The following SLC1A5 variants were observed in gnomAD, a reference collection of about 807,000 sequenced individuals.
SLC1A5 encodes neutral amino acid transporter B(0).
In SLC1A5, 25 loss-of-function variants were observed where a neutral mutation model predicts 34.9. That is an observed-to-expected ratio of 0.72 (90% CI 0.52 to 1.00). The LOEUF (loss-of-function observed/expected upper bound fraction) is 1.00. SLC1A5 is among the 50% of genes least tolerant of loss of function. The pLI, the probability that SLC1A5 is intolerant of heterozygous loss-of-function variation, is 0.00. For missense variants in SLC1A5, 637 were observed against 740.0 expected, an observed-to-expected ratio of 0.86 and a Z score of 1.61; for synonymous variants, 351 against 341.2, an observed-to-expected ratio of 1.03 and a Z score of -0.32.
In SLC1A5 at chr19:46,775,476, C is replaced by T. The variant is rs377465288; in HGVS notation, c.*34G>A. 7.6e-6 allele frequency: 12 copies of T among 1,574,700 alleles called. No individual in the cohort carries two copies. Among genetic ancestry groups the T allele is most frequent in the African/African-American group, 1.4e-5 (1 of 74,032 alleles). On this transcript the variant is annotated 3_prime_UTR_variant, in exon 8 of 8. Transcript: ENST00000542575. ...CTCATAATCCAGTGTCCAAAGAGCA[C>T]CCCCAGCAGGGCAGGGAAGGTCCCT... is the stretch of plus-strand genomic sequence containing the variant.
intron 1 of SLC1A5, among the ~76,000 whole-genome samples, chr19:46,786,153 C>T (rs1048095054): frequency 1.3e-5 from 2 of 151,520 alleles, no homozygotes; most frequent in South Asian, 2.1e-4. Flanking sequence ...TAGATGTTGG[C>T]GTGGCTGGTG....
At position 46,787,687 on chromosome 19, in the gene SLC1A5, G is replaced by C; in HGVS notation, c.279C>G (p.Gly93=). The change falls in exon 1 of 8, where the codon GGC becomes GGG. Residue 93 remains glycine (G), a synonymous_variant. Transcript: ENST00000542575. The surrounding 1 kb of genome is among the most constrained non-coding windows in gnomAD (Gnocchi z 5.2). ...TCCGCAGCAGACGCAGCAGCAGCTC[G>C]CCCGGGAAGACGAAGGCGCTCAAGC... The part of the protein sequence containing the change: ...PERLSAFVFP[G]ELLLRLLRMI... The C allele has an allele frequency of 1.3e-6, 2 of 1,590,904 alleles. No homozygotes were observed. Among genetic ancestry groups the C allele is most frequent in the African/African-American group, 2.7e-5 (2 of 74,798 alleles).
In SLC1A5 at chr19:46,782,363, CCTCCTCTCCCACCACCT is replaced by C; in HGVS notation, c.824+3_824+19del. Reference sequence around the variant, plus strand: ...ACCCTCCAACCCCACCCACCCCCAGCCTCCTCTCCCACCACCTACCACATGATCCAGGAGACCAGAAC... The same window carrying C: ...ACCCTCCAACCCCACCCACCCCCAGCACCACATGATCCAGGAGACCAGAAC... On this transcript the variant is annotated splice_donor_5th_base_variant and intron_variant, in intron 4 of 7. Coordinates refer to ENST00000542575, the MANE Select transcript of SLC1A5 (RefSeq NM_005628.3). The C allele has an allele frequency of 6.8e-7, 1 of 1,461,622 alleles. No individual in the cohort carries two copies. The highest frequency in any genetic ancestry group is 9.5e-7 in the Non-Finnish European group (1 of 1,057,566). 90.5% of individuals were successfully genotyped at this position (1,461,622 alleles called of 1,614,324 possible).
chr19:46,787,372 C>A lies in SLC1A5; in HGVS notation c.566+28G>T. On this transcript the variant is annotated intron_variant, in intron 1 of 7. Transcript: ENST00000542575. The surrounding 1 kb of genome is among the most constrained non-coding windows in gnomAD (Gnocchi z 5.2). ...ACTCCCGCCATCCGTAACACTCTTC[C>A]CCACCTCCCGGGGGAGCGGGAGCTG... 1 of 1,568,802 alleles carries A rather than the reference C, an allele frequency of 6.4e-7. No individual in the cohort carries two copies. Among genetic ancestry groups the A allele is most frequent in the African/African-American group, 1.4e-5 (1 of 73,808 alleles).
At position 46,778,768 on chromosome 19, in the gene SLC1A5, G is replaced by A. The variant is rs760237382; in HGVS notation, c.965C>T (p.Pro322Leu). 2.5e-6 allele frequency: 4 copies of A among 1,613,874 alleles called. No homozygotes were observed. The East Asian group carries it at 6.7e-5, about 27-fold the overall frequency. The change falls in exon 5 of 8, where the codon CCC becomes CTC. Residue 322 changes from proline to leucine, a missense_variant. Coordinates refer to ENST00000542575, the MANE Select transcript of SLC1A5 (RefSeq NM_005628.3). Reference sequence around the variant, plus strand: ...GCGGGTGAAGAGGAAGTAGATGAGGGGCAGTACCAGGAGCCCATGGATGGC... The same window carrying A: ...GCGGGTGAAGAGGAAGTAGATGAGGAGCAGTACCAGGAGCCCATGGATGGC... ...GHAIHGLLVL[P>L]LIYFLFTRKN...
At chr19:46,785,806 G>A (rs1252121532) in intron 1 of SLC1A5, among the ~76,000 whole-genome samples, 3 of 152,206 alleles carry the variant, frequency 2.0e-5, no homozygotes, top group Non-Finnish European at 4.4e-5. Flanking sequence ...TTGGCCGGGT[G>A]CGGTGGCTCA....
chr19:46,787,212 A>G lies in SLC1A5; in HGVS notation c.566+188T>C, dbSNP rs1355244122. 2 of 1,416,352 alleles carry G rather than the reference A, an allele frequency of 1.4e-6. No individual in the cohort carries two copies. Among genetic ancestry groups the G allele is most frequent in the African/African-American group, 3.0e-5 (2 of 66,360 alleles). 87.7% of individuals were successfully genotyped at this position (1,416,352 alleles called of 1,614,324 possible). A position where few individuals can be genotyped will look rare whatever the true frequency, so the allele number is the denominator to read the frequency against. ...TGTACCCAGGCCCCCAGATTTAGAAACCCCTTCCCCAGGAGACTAGACTCA... is the reference window on the plus strand; with the variant it reads ...TGTACCCAGGCCCCCAGATTTAGAAGCCCCTTCCCCAGGAGACTAGACTCA... On this transcript the variant is annotated intron_variant, in intron 1 of 7. Coordinates refer to ENST00000542575, the MANE Select transcript of SLC1A5 (RefSeq NM_005628.3). The surrounding 1 kb of genome is among the most constrained non-coding windows in gnomAD (Gnocchi z 5.2).
At chr19:46,786,369 T>C (rs1309622614) in intron 1 of SLC1A5, among the ~76,000 whole-genome samples, 1 of 152,178 alleles carries the variant, frequency 6.6e-6, no homozygotes, top group Non-Finnish European at 1.5e-5. Flanking sequence ...GGGAGGCCTG[T>C]GCTCATAAAC....
At chr19:46,777,172 G>A (rs2055097822) in intron 6 of SLC1A5, 39 bp downstream of exon 6, 1 of 1,601,922 alleles carries the variant, frequency 6.2e-7, no homozygotes, top group Non-Finnish European at 8.5e-7. Flanking sequence ...GGGGTCAACA[G>A]GGGTCCGGGG....
chr19:46,778,954 C>T lies in SLC1A5; in HGVS notation c.825-46G>A, dbSNP rs746157066. 2.8e-6 allele frequency: 4 copies of T among 1,436,830 alleles called. No individual in the cohort carries two copies. In the Admixed American group the frequency reaches 8.7e-5, roughly 31 times the overall value. The allele number at this position is 1,436,830 out of a possible 1,614,324, so 89.0% of individuals were successfully genotyped here. A position where few individuals can be genotyped will look rare whatever the true frequency, so the allele number is the denominator to read the frequency against. ...CAGCTTGTTGCCTCTTCCACGGGCC[C>T]AGTGGCCAGGCGTGAGGCTCAGCAC... On this transcript the variant is annotated intron_variant, in intron 4 of 7. Coordinates refer to ENST00000542575, the MANE Select transcript of SLC1A5 (RefSeq NM_005628.3).
Position 46,781,876 on chromosome 19 carries a change from A to G in SLC1A5, c.824+507T>C, listed in dbSNP as rs1276698271. On this transcript the variant is annotated intron_variant, in intron 4 of 7. Transcript: ENST00000542575. The stretch of plus-strand genomic sequence containing the variant: ...CACGCAATAAGCCAGGCACTGTCCT[A>G]AGACCTTCCGTGTACCGTATTCACT... Among the ~76,000 whole-genome samples, 3 of 152,276 alleles carry G rather than the reference A, an allele frequency of 2.0e-5. No individual in the cohort carries two copies. In the South Asian group the frequency reaches 6.2e-4, roughly 32 times the overall value.
At chr19:46,778,599 G>T in intron 5 of SLC1A5, 76 bp downstream of exon 5, 2 of 1,057,232 alleles carry the variant, frequency 1.9e-6, no homozygotes, top group Non-Finnish European at 2.8e-6. Flanking sequence ...ACAATGTCCC[G>T]GGCAGAGAAA....
intron 3 of SLC1A5, 149 bp from the exon 4 acceptor site, chr19:46,782,698 G>A (rs2055156882): frequency 9.2e-6 from 8 of 871,254 alleles, no homozygotes; most frequent in Non-Finnish European, 1.4e-5. Flanking sequence ...AGGTCCAGGG[G>A]AAATATATTA....
At chr19:46,781,410 C>G (rs956739121) in intron 4 of SLC1A5, among the ~76,000 whole-genome samples, 2 of 152,078 alleles carry the variant, frequency 1.3e-5, no homozygotes. Context: ...ACCAGCCTGA[C>G]CAACATGGAG....
In SLC1A5 at chr19:46,784,594, C is replaced by T. The variant is rs1302131591; in HGVS notation, c.567-35G>A. The T allele has an allele frequency of 6.2e-6, 10 of 1,613,808 alleles. No homozygotes were observed. The Admixed American group carries it at 1.7e-4, about 27-fold the overall frequency. On this transcript the variant is annotated intron_variant, in intron 1 of 7. Transcript: ENST00000542575. Reference sequence around the variant, plus strand: ...CAGACACACAGAGGGTTATTAGATACCATAGTGGGAGGGCAGCATTGTCTG... The same window carrying T: ...CAGACACACAGAGGGTTATTAGATATCATAGTGGGAGGGCAGCATTGTCTG...
chr19:46,778,058 G>A (rs1274109774), intron 5 of SLC1A5, among the ~76,000 whole-genome samples: 1 of 152,106 alleles, frequency 6.6e-6, no homozygotes, highest in African/African-American at 2.4e-5. Flanking sequence ...GTCTTGGGAG[G>A]GGACAGGGCC....
At position 46,784,127 on chromosome 19, in the gene SLC1A5, T is replaced by C; in HGVS notation, c.627A>G (p.Glu209=). 1 of 1,613,452 alleles carries C rather than the reference T, an allele frequency of 6.2e-7. No homozygotes were observed. Among genetic ancestry groups the C allele is most frequent in the Non-Finnish European group, 8.5e-7 (1 of 1,179,474 alleles). Residue 209 remains glutamate, a synonymous_variant, in exon 3 of 8, where the codon GAA becomes GAG. Coordinates refer to ENST00000542575, the MANE Select transcript of SLC1A5 (RefSeq NM_005628.3). ...AAFRSYSTTY[E]ERNITGTRVK... Reference sequence around the variant, plus strand: ...CCCTGGTTCCGGTGATATTCCTCTCTTCATAGGTGGTAGAGTACTGTAGGT... The same window carrying C: ...CCCTGGTTCCGGTGATATTCCTCTCCTCATAGGTGGTAGAGTACTGTAGGT...
chr19:46,783,629 T>G (rs999881596), intron 3 of SLC1A5, among the ~76,000 whole-genome samples: 1 of 152,084 alleles, frequency 6.6e-6, no homozygotes, highest in Non-Finnish European at 1.5e-5. Flanking sequence ...AAACTCAGTC[T>G]CTATAAAAGA....
rs2055171970 is a variant in SLC1A5, at chr19:46,784,527, G to C, written c.599C>G (p.Ala200Gly). The change falls in exon 2 of 8, where the codon GCC becomes GGC. Residue 200 changes from alanine (A) to glycine (G), a missense_variant. Transcript: ENST00000542575. ...NIFPSNLVSA[A>G]FRSYSTTYEE... Reference sequence around the variant, plus strand: ...CCCCTGAGGACTCACTGAGCGAAAGGCTGCTGACACCAGGTTGGAAGGGAA... The same window carrying C: ...CCCCTGAGGACTCACTGAGCGAAAGCCTGCTGACACCAGGTTGGAAGGGAA... 1.2e-6 allele frequency: 2 copies of C among 1,614,084 alleles called. No homozygotes were observed. Among genetic ancestry groups the C allele is most frequent in the Non-Finnish European group, 1.7e-6 (2 of 1,180,014 alleles).
Sources: allele counts gnomAD v4.1 joint callset (sites outside exome capture counted in the v4.1 genomes callset), GRCh38; gene constraint gnomAD v4.1.1; non-coding constraint Gnocchi (gnomAD v3.1); transcripts MANE v1.5; gene names NCBI Gene and HGNC (gene_info 2026-07-23, HGNC 2026-07-21).